Variants in LRRC49 observed in about 807,000 individuals in gnomAD.
LRRC49 encodes the protein leucine rich repeat containing 49.
LRRC49 carries 50 observed loss-of-function variants against 83.3 expected under a neutral mutation model. The observed-to-expected ratio is 0.60, with a 90% CI of 0.48 to 0.76. LRRC49 has a LOEUF of 0.76. Ranked by LOEUF, LRRC49 falls within the 30% of genes least tolerant of loss-of-function variation. The pLI is 0.00. For synonymous variants in LRRC49, 286 were observed against 283.3 expected, an observed-to-expected ratio of 1.01 and a Z score of -0.10; for missense variants, 704 against 809.1, an observed-to-expected ratio of 0.87 and a Z score of 1.58.
chr15:70,945,193 T>C (rs2035965057), intron 8 of LRRC49, among the ~76,000 whole-genome samples: 1 of 152,216 alleles, frequency 6.6e-6, no homozygotes, highest in Admixed American at 6.5e-5. Context: ...ACCTCTGTTC[T>C]GTCTCTAGCT....
At chr15:70,922,839 A>C (rs935109294) in intron 7 of LRRC49, among the ~76,000 whole-genome samples, 5 of 152,094 alleles carry the variant, frequency 3.3e-5, no homozygotes, top group African/African-American at 1.2e-4. Flanking sequence ...AAAATTTTAA[A>C]GCAAAAAATT....
At chr15:70,857,180 T>C (rs1292293805) in intron 1 of LRRC49, among the ~76,000 whole-genome samples, 1 of 152,152 alleles carries the variant, frequency 6.6e-6, no homozygotes, top group Non-Finnish European at 1.5e-5. Flanking sequence ...GCCATCAGGA[T>C]GGACTGAGAT....
At position 71,049,474 on chromosome 15, in the gene LRRC49, A is replaced by T; in HGVS notation, c.1923A>T (p.Glu641Asp). The T allele has an allele frequency of 1.2e-6, 2 of 1,613,782 alleles. No individual in the cohort carries two copies. The highest frequency in any genetic ancestry group is 1.7e-6 in the Non-Finnish European group (2 of 1,179,674). Residue 641 changes from glutamate (E) to aspartate (D), a missense_variant, in exon 16 of 16, where the codon GAA becomes GAT. By Grantham distance (45) the Glu-to-Asp change is conservative (BLOSUM62 2). Around this residue, in one of 3 missense-constraint regions of LRRC49, gnomAD observed 275 missense variants for 338.0 expected, o/e 0.81. Coordinates refer to ENST00000260382, the MANE Select transcript of LRRC49 (RefSeq NM_017691.5). ...YIEDLVKEATEINMKNEALQK... is the reference protein window; with the variant it reads ...YIEDLVKEATDINMKNEALQK... ...AAGACCTTGTGAAGGAAGCCACAGA[A>T]ATCAACATGAAAAATGAGGCTTTGC...
At chr15:71,004,274 A>G (rs543555145) in intron 11 of LRRC49, among the ~76,000 whole-genome samples, 3 of 152,302 alleles carry the variant, frequency 2.0e-5, no homozygotes, top group South Asian at 4.1e-4. Context: ...TATTGAGTGT[A>G]TACCCAAAGG....
chr15:70,896,461 G>A (rs1011359350), intron 3 of LRRC49, among the ~76,000 whole-genome samples: 4 of 152,112 alleles, frequency 2.6e-5, no homozygotes, highest in Middle Eastern at 3.2e-3. Context: ...GGTCTTGAGC[G>A]GGATTTGGAA....
chr15:70,926,929 A>G (rs2035224381), intron 7 of LRRC49, among the ~76,000 whole-genome samples: 1 of 152,202 alleles, frequency 6.6e-6, no homozygotes, highest in Non-Finnish European at 1.5e-5. Flanking sequence ...AAAGGATATG[A>G]ACAGACACTT....
chr15:70,861,371 C>T (rs1467752737), intron 1 of LRRC49, among the ~76,000 whole-genome samples: 1 of 102,372 alleles, frequency 9.8e-6, no homozygotes, highest in Non-Finnish European at 2.5e-5. Context: ...ATGTAGTTCC[C>T]CCTATTAGCA....
At chr15:70,897,618 A>T (rs1056937847) in intron 3 of LRRC49, among the ~76,000 whole-genome samples, 1 of 152,226 alleles carries the variant, frequency 6.6e-6, no homozygotes, top group South Asian at 2.1e-4. Flanking sequence ...AATAAACTGT[A>T]TCTTGATACC....
At chr15:70,997,619 T>C (rs1337032129) in intron 11 of LRRC49, among the ~76,000 whole-genome samples, 3 of 152,096 alleles carry the variant, frequency 2.0e-5, no homozygotes, top group Non-Finnish European at 4.4e-5. Flanking sequence ...AGCGTGGTGG[T>C]GCATGCCTGT....
At chr15:70,892,188 C>T (rs749140806), upstream of LRRC49, 9 of 1,608,842 alleles carry the variant, frequency 5.6e-6, no homozygotes, top group East Asian at 1.6e-4. Flanking sequence ...AGCAGCCGCA[C>T]GGCCCGGTCC....
chr15:70,940,532 T>C (rs938038249), intron 8 of LRRC49, among the ~76,000 whole-genome samples: 4 of 152,194 alleles, frequency 2.6e-5, no homozygotes, highest in East Asian at 1.9e-4. Flanking sequence ...CGTGAGCCAC[T>C]GCGCCGGCCT....
intron 8 of LRRC49, among the ~76,000 whole-genome samples, chr15:70,946,229 C>A (rs2036003589): frequency 6.6e-6 from 1 of 152,016 alleles, no homozygotes; most frequent in Admixed American, 6.6e-5. Flanking sequence ...ATCCTTTGAC[C>A]AACATCTCCC....
At chr15:71,000,584 T>C (rs2038222254) in intron 11 of LRRC49, among the ~76,000 whole-genome samples, 1 of 152,202 alleles carries the variant, frequency 6.6e-6, no homozygotes, top group Non-Finnish European at 1.5e-5. Context: ...CCTTAAAAGT[T>C]GTCCAAACCC....
At chr15:70,859,619 A>G in intron 1 of LRRC49, 1 of 640,344 alleles carries the variant, frequency 1.6e-6, no homozygotes, top group Non-Finnish European at 3.0e-6. Context: ...CCTGCAGCCT[A>G]TAAAGACTGA....
chr15:71,004,300 A>G (rs1413632697), intron 11 of LRRC49, among the ~76,000 whole-genome samples: 1 of 152,178 alleles, frequency 6.6e-6, no homozygotes, highest in Admixed American at 6.5e-5. Flanking sequence ...AAATTTCTCT[A>G]GTATAAAGAC....
At chr15:70,912,936 C>T (rs1226223415) in intron 6 of LRRC49, among the ~76,000 whole-genome samples, 8 of 152,190 alleles carry the variant, frequency 5.3e-5, no homozygotes, top group Admixed American at 3.9e-4. Context: ...CTCGGCCTCC[C>T]AAAGTGCTGG....
chr15:71,031,465 C>T (rs2141290214), intron 14 of LRRC49, among the ~76,000 whole-genome samples: 1 of 152,310 alleles, frequency 6.6e-6, no homozygotes, highest in Middle Eastern at 3.4e-3. Flanking sequence ...ATTCAGGAGG[C>T]ACGGGGGTCA....
chr15:70,855,636 G>A (rs950159245), intron 1 of LRRC49, among the ~76,000 whole-genome samples: 1 of 152,190 alleles, frequency 6.6e-6, no homozygotes, highest in African/African-American at 2.4e-5. Flanking sequence ...AGACCCAGGG[G>A]CCCAGCGAGG....
intron 11 of LRRC49, among the ~76,000 whole-genome samples, chr15:70,987,646 T>C (rs2037681579): frequency 6.6e-6 from 1 of 152,182 alleles, no homozygotes; most frequent in Non-Finnish European, 1.5e-5. Flanking sequence ...TCAGTTCTGC[T>C]CTGATTTTAG....
Sources: allele counts gnomAD v4.1 joint callset (sites outside exome capture counted in the v4.1 genomes callset), GRCh38; gene constraint gnomAD v4.1.1; regional missense constraint gnomAD v4.1.1; transcripts MANE v1.5; gene names NCBI Gene and HGNC (gene_info 2026-07-23, HGNC 2026-07-21).